Variants in PARPBP observed in about 807,000 individuals in gnomAD.
PARPBP encodes PCNA-interacting partner.
In PARPBP, 52 loss-of-function variants were observed where a neutral mutation model predicts 50.0. The ratio of observed to expected loss-of-function variants is 1.04; its 90% CI spans 0.83 to 1.31. PARPBP has a LOEUF of 1.31. Ranked by LOEUF, PARPBP falls within the 50% of genes most tolerant of loss-of-function variation. The pLI, the probability that PARPBP is intolerant of heterozygous loss-of-function variation, is 0.00. For synonymous variants in PARPBP, 244 were observed against 232.1 expected, an observed-to-expected ratio of 1.05 and a Z score of -0.47; for missense variants, 697 against 672.0, an observed-to-expected ratio of 1.04 and a Z score of -0.41.
At chr12:102,158,837 G>C (rs1209709674) in intron 4 of PARPBP, among the ~76,000 whole-genome samples, 1 of 152,022 alleles carries the variant, frequency 6.6e-6, no homozygotes, top group Non-Finnish European at 1.5e-5. Flanking sequence ...TATGTGAAAA[G>C]AATTAAGCTT....
Position 102,165,779 on chromosome 12 carries a change from A to T in PARPBP, c.717A>T (p.Ala239=). The change falls in exon 6 of 11, where the codon GCA becomes GCT. Residue 239 remains alanine (A), a synonymous_variant. Coordinates refer to ENST00000327680, the MANE Select transcript of PARPBP (RefSeq NM_017915.5). ...TAGAGCTTGGAGGGAAAGGATATGC[A>T]CCACCACCATCAGATCCTTTAAGGA... ...RTIELGGKGY[A]PPPSDPLRTH... is the part of the protein sequence containing the mutation. The T allele has an allele frequency of 6.2e-7, 1 of 1,605,428 alleles. No homozygotes were observed. Among genetic ancestry groups the T allele is most frequent in the Non-Finnish European group, 8.5e-7 (1 of 1,172,644 alleles).
chr12:102,194,446 A>C (rs971558722), intron 9 of PARPBP, among the ~76,000 whole-genome samples: 1 of 151,970 alleles, frequency 6.6e-6, no homozygotes, highest in Non-Finnish European at 1.5e-5. Flanking sequence ...CATCATTTGT[A>C]ATTGTTGAAA....
intron 9 of PARPBP, among the ~76,000 whole-genome samples, chr12:102,191,150 T>A (rs752734940): frequency 8.5e-5 from 13 of 152,134 alleles, no homozygotes; most frequent in Non-Finnish European, 1.9e-4. Context: ...AAGGCATCAT[T>A]TTGCAGACCA....
intron 4 of PARPBP, among the ~76,000 whole-genome samples, chr12:102,162,038 A>G (rs772671487): frequency 7.9e-5 from 12 of 152,128 alleles, no homozygotes; most frequent in Non-Finnish European, 1.0e-4. Flanking sequence ...TTTTAAATTG[A>G]CCCTGCCTGC....
chr12:102,135,036 T>G (rs954913680), intron 2 of PARPBP, among the ~76,000 whole-genome samples: 3 of 152,194 alleles, frequency 2.0e-5, no homozygotes, highest in Non-Finnish European at 4.4e-5. Flanking sequence ...TTATAAATTT[T>G]GTTGGTACTG....
At chr12:102,157,190 A>T (rs889854330) in intron 4 of PARPBP, among the ~76,000 whole-genome samples, 1 of 152,200 alleles carries the variant, frequency 6.6e-6, no homozygotes, top group Non-Finnish European at 1.5e-5. Context: ...GTAATACTCT[A>T]GATTTAATAA....
Position 102,124,047 on chromosome 12 carries a change from TA to T in PARPBP, c.153+9del, listed in dbSNP as rs1379875507. ...TGGCGGAGAACAACAAACAGGTTGGTAAACTATATTTGGGTTAACTTGTTTT... is the reference window on the plus strand; with the variant it reads ...TGGCGGAGAACAACAAACAGGTTGGTAACTATATTTGGGTTAACTTGTTTT... On this transcript the variant is annotated splice_region_variant and intron_variant, in intron 2 of 10. Coordinates refer to ENST00000327680, the MANE Select transcript of PARPBP (RefSeq NM_017915.5). 1.3e-6 allele frequency: 2 copies of T among 1,531,588 alleles called. No homozygotes were observed. The highest frequency in any genetic ancestry group is 3.9e-5 in the Admixed American group (2 of 50,818). 94.9% of individuals were successfully genotyped at this position (1,531,588 alleles called of 1,614,324 possible).
chr12:102,187,363 T>A (rs188665127), intron 9 of PARPBP, among the ~76,000 whole-genome samples: 117 of 152,264 alleles, frequency 7.7e-4, no homozygotes, highest in African/African-American at 2.5e-3. Context: ...TTTTCTTTTT[T>A]CTTGTTCATT....
chr12:102,189,862 A>G (rs933671227), intron 9 of PARPBP, among the ~76,000 whole-genome samples: 1 of 152,184 alleles, frequency 6.6e-6, no homozygotes, highest in Non-Finnish European at 1.5e-5. Flanking sequence ...ACTCAAAAGT[A>G]AACGGTGGAA....
At chr12:102,157,398 A>G (rs1772834913) in intron 4 of PARPBP, among the ~76,000 whole-genome samples, 2 of 152,122 alleles carry the variant, frequency 1.3e-5, no homozygotes, top group Admixed American at 1.3e-4. Flanking sequence ...ATTTGTCCCC[A>G]AAATGGTTTT....
rs1409951542 is a variant in PARPBP at position 102,195,942 on chromosome 12, G to T, written c.1400-9G>T. On this transcript the variant is annotated splice_polypyrimidine_tract_variant and intron_variant, in intron 10 of 10. Transcript: ENST00000327680. ...GTAATTCCTTTCCCCTTTTTATCTT[G>T]CATAACAGAGGGTGTAAATCCATCT... The T allele has an allele frequency of 8.5e-6, 13 of 1,530,544 alleles. No homozygotes were observed. Among genetic ancestry groups the T allele is most frequent in the African/African-American group, 1.4e-5 (1 of 71,654 alleles). The allele number at this position is 1,530,544 out of a possible 1,614,324, so 94.8% of individuals were successfully genotyped here. A position where few individuals can be genotyped will look rare whatever the true frequency, so the allele number is the denominator to read the frequency against.
At chr12:102,147,390 A>G (rs1009590604) in intron 2 of PARPBP, among the ~76,000 whole-genome samples, 1 of 152,164 alleles carries the variant, frequency 6.6e-6, no homozygotes, top group Non-Finnish European at 1.5e-5. Context: ...GCAGCCATGA[A>G]AAATGATGAG....
intron 4 of PARPBP, among the ~76,000 whole-genome samples, chr12:102,158,073 A>T (rs561233966): frequency 7.2e-6 from 1 of 138,170 alleles, no homozygotes; most frequent in Non-Finnish European, 1.5e-5. Flanking sequence ...GTGAGCCGAG[A>T]TGGTGCCACT....
chr12:102,170,431 A>G (rs990252637), intron 6 of PARPBP, among the ~76,000 whole-genome samples: 4 of 152,266 alleles, frequency 2.6e-5, no homozygotes, highest in Non-Finnish European at 5.9e-5. Flanking sequence ...ACAAACCTGT[A>G]TGGCCTGTTA....
At chr12:102,153,616 A>G (rs1232865914) in intron 3 of PARPBP, among the ~76,000 whole-genome samples, 1 of 152,228 alleles carries the variant, frequency 6.6e-6, no homozygotes, top group East Asian at 1.9e-4. Context: ...TGAGGATTAC[A>G]GGTGTGAGCC....
Position 102,148,271 on chromosome 12 carries a change from GA to G in PARPBP, c.196del (p.Thr66HisfsTer10), listed in dbSNP as rs1885691084. ...FTVSLSDVLLTWKYLLHEKLN... is the reference protein window; with the variant it reads ...FTVSLSDVLLXWKYLLHEKLN... ...CAGTCTCTCTCAGTGATGTTTTATT[GA>G]CATGGAAATACTTGCTCCATGAGAA... On this transcript the variant is annotated frameshift_variant, in exon 3 of 11. Coordinates refer to ENST00000327680, the MANE Select transcript of PARPBP (RefSeq NM_017915.5). LOFTEE classifies it high-confidence loss of function. 1 of 1,593,070 alleles carries G rather than the reference GA, an allele frequency of 6.3e-7. No individual in the cohort carries two copies. The highest frequency in any genetic ancestry group is 1.1e-5 in the South Asian group (1 of 90,034).
intron 6 of PARPBP, among the ~76,000 whole-genome samples, chr12:102,172,017 G>A (rs937009314): frequency 1.3e-5 from 2 of 152,174 alleles, no homozygotes; most frequent in African/African-American, 2.4e-5. Context: ...ATTTAGGAAA[G>A]TGAAGAACTC....
At chr12:102,156,353 A>AT (rs11357754) in intron 4 of PARPBP, among the ~76,000 whole-genome samples, 13,910 of 144,688 alleles carry the variant, frequency 0.096, 711 homozygotes, top group African/African-American at 0.11. Flanking sequence ...CACCCAGCTA[A>AT]TTTTTTTTTT....
intron 2 of PARPBP, among the ~76,000 whole-genome samples, chr12:102,134,063 A>G (rs897920433): frequency 6.6e-6 from 1 of 151,946 alleles, no homozygotes; most frequent in Non-Finnish European, 1.5e-5. Context: ...TAGGAAAAGA[A>G]CACACTAAGC....
Sources: allele counts gnomAD v4.1 joint callset (sites outside exome capture counted in the v4.1 genomes callset), GRCh38; gene constraint gnomAD v4.1.1; transcripts MANE v1.5; gene names NCBI Gene and HGNC (gene_info 2026-07-23, HGNC 2026-07-21).